The following PCDHGB4 variants were observed in gnomAD, a reference collection of about 807,000 sequenced individuals.
The protein encoded by PCDHGB4 is protocadherin gamma-B4.
Under a neutral mutation model 60.5 loss-of-function variants are expected in PCDHGB4, and 38 were observed. That is an observed-to-expected ratio of 0.63 (90% confidence interval 0.48 to 0.82). The LOEUF (loss-of-function observed/expected upper bound fraction) is 0.82. Ranked by LOEUF, PCDHGB4 falls within the 40% of genes least tolerant of loss-of-function variation. PCDHGB4 has a pLI of 0.00. For synonymous variants in PCDHGB4, 456 were observed against 509.7 expected, an observed-to-expected ratio of 0.89 and a Z score of 1.42; for missense variants, 1,109 against 1,209.6, an observed-to-expected ratio of 0.92 and a Z score of 1.23.
At chr5:141,451,892 A>C (rs1215224398) in intron 1 of PCDHGB4, among the ~76,000 whole-genome samples, 2 of 152,114 alleles carry the variant, frequency 1.3e-5, no homozygotes, top group Non-Finnish European at 2.9e-5. Context: ...AAAGAAAGGA[A>C]GGAACAAGGG....
chr5:141,394,410 A>G, intron 1 of PCDHGB4: 1 of 1,614,210 alleles, frequency 6.2e-7, no homozygotes, highest in Non-Finnish European at 8.5e-7. Context: ...GCTACTGGTA[A>G]CAGCCAGCGA....
At chr5:141,409,808 G>C in intron 1 of PCDHGB4, 2 of 1,611,624 alleles carry the variant, frequency 1.2e-6, no homozygotes, top group East Asian at 2.2e-5. Context: ...GCAGGCCCGC[G>C]ACCACGGCTC....
At chr5:141,474,323 C>T (rs1176074252) in intron 1 of PCDHGB4, among the ~76,000 whole-genome samples, 2 of 152,186 alleles carry the variant, frequency 1.3e-5, no homozygotes, top group Non-Finnish European at 2.9e-5. Context: ...GTTTTCAAAT[C>T]ACCCTGATGT....
intron 1 of PCDHGB4, among the ~76,000 whole-genome samples, chr5:141,447,728 A>G (rs2098549955): frequency 6.6e-6 from 1 of 152,204 alleles, no homozygotes; most frequent in Non-Finnish European, 1.5e-5. Flanking sequence ...TCCAAAACTC[A>G]TTGAACTTAA....
At chr5:141,409,381 G>T (rs1258881607) in intron 1 of PCDHGB4, 1 of 1,614,018 alleles carries the variant, frequency 6.2e-7, no homozygotes, top group Admixed American at 1.7e-5. Context: ...TTCCATTCAA[G>T]ATTTATTCTT....
At chr5:141,412,145 C>T (rs1335929166) in intron 1 of PCDHGB4, 1 of 152,210 alleles carries the variant, frequency 6.6e-6, no homozygotes, top group East Asian at 1.9e-4. Context: ...CTGATACAAA[C>T]TGCCTAAGAG....
At position 141,489,783 on chromosome 5, in the gene PCDHGB4, T is replaced by C; in HGVS notation, c.2398-5024T>C. The C allele has an allele frequency of 6.2e-7, 1 of 1,614,164 alleles. No individual in the cohort carries two copies. On this transcript the variant is annotated intron_variant, in intron 1 of 3. Transcript: ENST00000519479. The surrounding 1 kb of genome is among the most constrained non-coding windows in gnomAD (Gnocchi z 4.5). ...GCCCCAACAGCCACTTCTCTCTGAA[T>C]GTGAAGACCCTAAAAGATGGGAAGC... is the stretch of plus-strand genomic sequence containing the variant.
intron 1 of PCDHGB4, chr5:141,413,467 G>T: frequency 6.2e-7 from 1 of 1,614,136 alleles, no homozygotes; most frequent in Non-Finnish European, 8.5e-7. Context: ...AGACCGGGAG[G>T]AGCTCTGCGC....
Position 141,475,143 on chromosome 5 carries a change from T to TC in PCDHGB4, c.2398-19662dup, listed in dbSNP as rs372338581. On this transcript the variant is annotated intron_variant, in intron 1 of 3. Transcript: ENST00000519479. ...GGCTTTTTTTCTTTTTGAAATCTTC[T>TC]CCGTCTTCTTCTTCATTAGCAGTGC... Among the ~76,000 whole-genome samples the TC allele has an allele frequency of 4.9e-3, 751 of 152,356 alleles. 5 individuals carry two copies. Among genetic ancestry groups the TC allele is most frequent in the Non-Finnish European group, 6.5e-3 (439 of 68,034 alleles).
chr5:141,506,896 T>C (rs1417106112), intron 3 of PCDHGB4, among the ~76,000 whole-genome samples: 3 of 152,158 alleles, frequency 2.0e-5, no homozygotes, highest in African/African-American at 7.2e-5. Flanking sequence ...CAAGAAGCAC[T>C]GTCATCACAC....
At position 141,477,532 on chromosome 5, in the gene PCDHGB4, CG is replaced by C; in HGVS notation, c.2398-17271del. 6.2e-7 allele frequency: 1 copy of C among 1,614,146 alleles called. No individual in the cohort carries two copies. The highest frequency in any genetic ancestry group is 8.5e-7 in the Non-Finnish European group (1 of 1,180,028). Reference sequence around the variant, plus strand: ...TTTACATTGAAGAAAACAACCTCCCCGGGGCTCCAATACTAAACCTAAGTGT... The same window carrying C: ...TTTACATTGAAGAAAACAACCTCCCCGGGCTCCAATACTAAACCTAAGTGT... On this transcript the variant is annotated intron_variant, in intron 1 of 3. Transcript: ENST00000519479. This position sits in a 1 kb window ranked among gnomAD's most constrained non-coding sequence, Gnocchi z 4.9.
At position 141,389,967 on chromosome 5, in the gene PCDHGB4, G is replaced by C; in HGVS notation, c.2083G>C (p.Ala695Pro). Reference sequence around the variant, plus strand: ...GCAGTTTTACCTAGTGGTGGCCTTGGCCTTGATCTCAGTGCTCTTCCTCGT... The same window carrying C: ...GCAGTTTTACCTAGTGGTGGCCTTGCCCTTGATCTCAGTGCTCTTCCTCGT... ...ELQFYLVVAL[A>P]LISVLFLVAM... Residue 695 changes from alanine (A) to proline (P), a missense_variant, in exon 1 of 4, where the codon GCC becomes CCC. Coordinates refer to ENST00000519479, the MANE Select transcript of PCDHGB4 (RefSeq NM_003736.4). 8.7e-6 allele frequency: 14 copies of C among 1,614,046 alleles called. No homozygotes were observed. The highest frequency in any genetic ancestry group is 1.1e-5 in the Non-Finnish European group (13 of 1,179,898).
In PCDHGB4 at chr5:141,476,718, C is replaced by T; in HGVS notation, c.2398-18089C>T. On this transcript the variant is annotated intron_variant, in intron 1 of 3. Transcript: ENST00000519479. The surrounding 1 kb of genome is among the most constrained non-coding windows in gnomAD (Gnocchi z 7.6). ...TACGCGGAGCTGGTGTTGGAGCGCG[C>T]CCTGGACCGAGAACGGGAGCCTAGT... The T allele has an allele frequency of 1.2e-6, 2 of 1,614,144 alleles. No individual in the cohort carries two copies. The highest frequency in any genetic ancestry group is 2.2e-5 in the East Asian group (1 of 44,874).
At chr5:141,417,460 A>G (rs1160577617) in intron 1 of PCDHGB4, 1 of 180,404 alleles carries the variant, frequency 5.5e-6, no homozygotes, top group Non-Finnish European at 1.1e-5. Flanking sequence ...GACCAAGTGG[A>G]AATATATTTC....
At chr5:141,429,091 T>A (rs985605582) in intron 1 of PCDHGB4, 2 of 152,160 alleles carry the variant, frequency 1.3e-5, no homozygotes, top group African/African-American at 4.8e-5. Flanking sequence ...CCTGACCTCG[T>A]GATCTGCCCG....
At chr5:141,448,573 A>AT (rs976781630) in intron 1 of PCDHGB4, among the ~76,000 whole-genome samples, 10 of 151,772 alleles carry the variant, frequency 6.6e-5, no homozygotes, top group East Asian at 5.8e-4. Flanking sequence ...TTATTTCCCC[A>AT]TTTTTTTTAC....
In PCDHGB4 at chr5:141,476,177, C is replaced by T. The variant is rs1221752964; in HGVS notation, c.2398-18630C>T. On this transcript the variant is annotated intron_variant, in intron 1 of 3. Transcript: ENST00000519479. The surrounding 1 kb of genome is among the most constrained non-coding windows in gnomAD (Gnocchi z 7.6). ...CACCGGGAGGGTAGTGGGAGTTTTG[C>T]TTCTGCTTGGTGCCTTGAACAAGGC... 6.2e-7 allele frequency: 1 copy of T among 1,613,436 alleles called. No individual in the cohort carries two copies. Among genetic ancestry groups the T allele is most frequent in the Non-Finnish European group, 8.5e-7 (1 of 1,179,944 alleles).
Position 141,422,964 on chromosome 5 carries a change from G to C in PCDHGB4, c.2397+32683G>C, listed in dbSNP as rs375881737. 1.0e-4 allele frequency: 161 copies of C among 1,614,190 alleles called. No individual in the cohort carries two copies. In the African/African-American group the frequency reaches 1.9e-3, roughly 20 times the overall value. ...ACGGCTCCACTGGCGTGGAGCTGGC[G>C]CCCCGCTCTGCGGAACCTGGCTACC... On this transcript the variant is annotated intron_variant, in intron 1 of 3. Coordinates refer to ENST00000519479, the MANE Select transcript of PCDHGB4 (RefSeq NM_003736.4).
At chr5:141,507,785 C>T (rs1203302886) in intron 3 of PCDHGB4, among the ~76,000 whole-genome samples, 1 of 152,222 alleles carries the variant, frequency 6.6e-6, no homozygotes, top group African/African-American at 2.4e-5. Context: ...GCCTGACCCT[C>T]GTCTAAGCCT....
Sources: gnomAD v4.1 joint callset for allele counts (sites outside exome capture counted in the v4.1 genomes callset) on GRCh38, gnomAD v4.1.1 for gene constraint, Gnocchi (gnomAD v3.1) non-coding constraint, MANE v1.5 for transcripts, NCBI Gene and HGNC (gene_info 2026-07-23, HGNC 2026-07-21) for gene names.